SLC25A27: variants seen among roughly 807,000 people sequenced by gnomAD.
SLC25A27 encodes the protein mitochondrial uncoupling protein 4.
SLC25A27 carries 35 observed loss-of-function variants against 49.1 expected under a neutral mutation model. That is an observed-to-expected ratio of 0.71 (90% CI 0.54 to 0.95). The LOEUF is 0.95. Ranked by LOEUF, SLC25A27 falls within the 40% of genes least tolerant of loss-of-function variation. SLC25A27 has a pLI of 0.00. For missense variants in SLC25A27, 339 were observed against 397.1 expected, an observed-to-expected ratio of 0.85 and a Z score of 1.24; for synonymous variants, 144 against 136.9, an observed-to-expected ratio of 1.05 and a Z score of -0.36.
chr6:46,655,953 C>T lies in SLC25A27; in HGVS notation c.217C>T (p.Arg73Cys), dbSNP rs200548509. Reference protein sequence around the residue: ...RESAPYRGMVRTALGIIEEEG... With the variant: ...RESAPYRGMVCTALGIIEEEG... ...ATCTGCCCCCTATAGGGGAATGGTG[C>T]GCACAGCTCTAGGGATCATTGAAGA... is the stretch of plus-strand genomic sequence containing the variant. Residue 73 changes from arginine (R) to cysteine (C), a missense_variant, in exon 2 of 9, where the codon CGC becomes TGC. Transcript: ENST00000371347. 9.3e-6 allele frequency: 15 copies of T among 1,613,856 alleles called. No individual in the cohort carries two copies. In the East Asian group the frequency reaches 2.5e-4, roughly 26 times the overall value.
rs1276498560 is a variant in SLC25A27 at position 46,676,651 on chromosome 6, C to G, written c.*197C>G. The G allele has an allele frequency of 1.2e-5, 19 of 1,550,888 alleles. No individual in the cohort carries two copies. The highest frequency in any genetic ancestry group is 1.7e-5 in the Non-Finnish European group (19 of 1,147,000). ...ACTCCTCTTTTTGTCCAAAAGTGAT[C>G]TGGTCGGATCTCACAAGGCCATCCA... is the stretch of plus-strand genomic sequence containing the variant. On this transcript the variant is annotated 3_prime_UTR_variant, in exon 9 of 9. Transcript: ENST00000371347.
chr6:46,653,391 A>C, intron 1 of SLC25A27, 93 bp downstream of exon 1: 1 of 1,465,060 alleles, frequency 6.8e-7, no homozygotes, highest in Non-Finnish European at 9.0e-7. Flanking sequence ...GGCAGTGCGC[A>C]TCGGAGAGGT....
In SLC25A27 at chr6:46,676,467, GC is replaced by G; in HGVS notation, c.*14del. On this transcript the variant is annotated 3_prime_UTR_variant, in exon 9 of 9. Coordinates refer to ENST00000371347, the MANE Select transcript of SLC25A27 (RefSeq NM_004277.5). ...CAGTCCATTTTAAACCCCTAAAGAT[GC>G]AACCCTTAAAGATACAGTGTTCAGT... 2.5e-6 allele frequency: 4 copies of G among 1,613,738 alleles called. No individual in the cohort carries two copies. Among genetic ancestry groups the G allele is most frequent in the Non-Finnish European group, 3.4e-6 (4 of 1,179,758 alleles).
chr6:46,676,813 C>G lies in SLC25A27; in HGVS notation c.*359C>G, dbSNP rs1763811740. 2.6e-6 allele frequency: 2 copies of G among 775,204 alleles called. No homozygotes were observed. Among genetic ancestry groups the G allele is most frequent in the Non-Finnish European group, 4.4e-6 (2 of 456,210 alleles). 48.0% of individuals were successfully genotyped at this position (775,204 alleles called of 1,614,324 possible). On this transcript the variant is annotated 3_prime_UTR_variant, in exon 9 of 9. Coordinates refer to ENST00000371347, the MANE Select transcript of SLC25A27 (RefSeq NM_004277.5). ...AGGAGGAGTACCAGGAGGGAGCCAGCATTTCAGATCTGAAGTAGACGATAG... is the reference window on the plus strand; with the variant it reads ...AGGAGGAGTACCAGGAGGGAGCCAGGATTTCAGATCTGAAGTAGACGATAG...
intron 2 of SLC25A27, chr6:46,658,553 A>G (rs1426849169): frequency 4.6e-6 from 2 of 436,216 alleles, no homozygotes; most frequent in East Asian, 1.5e-4. Flanking sequence ...ATCTGGGGTA[A>G]GTAAAAACAA....
Position 46,655,882 on chromosome 6 carries a change from T to C in SLC25A27, c.146T>C (p.Met49Thr), listed in dbSNP as rs1762960763. 2.5e-6 allele frequency: 4 copies of C among 1,613,414 alleles called. No individual in the cohort carries two copies. Among genetic ancestry groups the C allele is most frequent in the Middle Eastern group, 1.6e-4 (1 of 6,084 alleles). The part of the protein sequence containing the change: ...PLDLTKTRLQ[M>T]QGEAALARLG... Reference sequence around the variant, plus strand: ...GATCTCACAAAAACTCGACTCCAAATGCAAGGAGAAGCAGCTCTTGCTCGG... The same window carrying C: ...GATCTCACAAAAACTCGACTCCAAACGCAAGGAGAAGCAGCTCTTGCTCGG... The change falls in exon 2 of 9, where the codon ATG becomes ACG. Residue 49 changes from methionine (M) to threonine (T), a missense_variant. Transcript: ENST00000371347.
chr6:46,664,584 T>C (rs903153342), intron 4 of SLC25A27, among the ~76,000 whole-genome samples, 190 bp from the exon 5 acceptor site: 9 of 152,226 alleles, frequency 5.9e-5, no homozygotes, highest in Non-Finnish European at 5.9e-5. Flanking sequence ...GTTGGCCTTT[T>C]TTCTAAAGGA....
chr6:46,656,692 T>A (rs1762992149), intron 2 of SLC25A27, among the ~76,000 whole-genome samples: 1 of 152,162 alleles, frequency 6.6e-6, no homozygotes, highest in Non-Finnish European at 1.5e-5. Flanking sequence ...GTGCTAGGAT[T>A]ACAGGCGTGA....
intron 5 of SLC25A27, among the ~76,000 whole-genome samples, chr6:46,667,273 T>A (rs975831044): frequency 5.9e-5 from 9 of 152,312 alleles, no homozygotes; most frequent in Admixed American, 1.3e-4. Flanking sequence ...CTTCAAAATT[T>A]ATCCAGAATC....
intron 2 of SLC25A27, among the ~76,000 whole-genome samples, chr6:46,656,962 T>C (rs974895330): frequency 2.6e-5 from 4 of 152,104 alleles, no homozygotes; most frequent in Non-Finnish European, 4.4e-5. Flanking sequence ...GCCCAGGAGT[T>C]CGAGACCAGC....
At position 46,655,291 on chromosome 6, in the gene SLC25A27, C is replaced by G. The variant is rs77948591; in HGVS notation, c.107-552C>G. On this transcript the variant is annotated intron_variant, in intron 1 of 8. Transcript: ENST00000371347. ...TTCATCTGCATGTGAACATCACCCA[C>G]GAAATTATAGAGTTCAGCTTCATCT... Among the ~76,000 whole-genome samples the G allele has an allele frequency of 3.4e-3, 520 of 152,174 alleles. 2 individuals are homozygous for G. The highest frequency in any genetic ancestry group is 0.012 in the African/African-American group (494 of 41,504).
chr6:46,657,074 G>A (rs1043355570), intron 2 of SLC25A27, among the ~76,000 whole-genome samples: 7 of 152,160 alleles, frequency 4.6e-5, no homozygotes, highest in African/African-American at 1.4e-4. Context: ...GCTGAGGTGT[G>A]AAAACAGCTT....
intron 1 of SLC25A27, among the ~76,000 whole-genome samples, chr6:46,654,361 A>G (rs928279914): frequency 4.6e-5 from 7 of 152,106 alleles, no homozygotes; most frequent in African/African-American, 7.2e-5. Context: ...TAGCCCCTCT[A>G]TTTTTTAATG....
intron 1 of SLC25A27, 61 bp from the exon 2 acceptor site, chr6:46,655,782 T>C: frequency 7.0e-7 from 1 of 1,435,774 alleles, no homozygotes; most frequent in Non-Finnish European, 9.7e-7. Context: ...CCTATGATTT[T>C]AGATTTTTGT....
intron 5 of SLC25A27, among the ~76,000 whole-genome samples, chr6:46,665,610 C>T (rs866389220): frequency 2.0e-5 from 3 of 151,970 alleles, no homozygotes; most frequent in Non-Finnish European, 2.9e-5. Context: ...GGCGTGAACC[C>T]GGGAGGCGAA....
intron 2 of SLC25A27, among the ~76,000 whole-genome samples, chr6:46,657,444 CAA>C (rs1158014592): frequency 1.3e-5 from 2 of 151,980 alleles, no homozygotes; most frequent in Admixed American, 6.6e-5. Flanking sequence ...ACCTGGGTGA[CAA>C]GAGCGAAACT....
intron 5 of SLC25A27, among the ~76,000 whole-genome samples, chr6:46,666,324 GC>G (rs1763324103): frequency 6.6e-6 from 1 of 152,104 alleles, no homozygotes; most frequent in Non-Finnish European, 1.5e-5. Context: ...CCCTTTGAAG[GC>G]AAGGACTGTG....
chr6:46,676,531 AT>A lies in SLC25A27; in HGVS notation c.*79del. 2 of 1,610,438 alleles carry A rather than the reference AT, an allele frequency of 1.2e-6. No individual in the cohort carries two copies. The highest frequency in any genetic ancestry group is 1.7e-6 in the Non-Finnish European group (2 of 1,177,828). On this transcript the variant is annotated 3_prime_UTR_variant, in exon 9 of 9. Transcript: ENST00000371347. Reference sequence around the variant, plus strand: ...TGGGCATCTGCAACACATACCCCCTATTATTTCTACCTCTTTAGGAAGACAC... The same window carrying A: ...TGGGCATCTGCAACACATACCCCCTATATTTCTACCTCTTTAGGAAGACAC...
chr6:46,671,072 C>A, intron 7 of SLC25A27, 54 bp from the exon 8 acceptor site: 1 of 1,185,260 alleles, frequency 8.4e-7, no homozygotes, highest in Non-Finnish European at 1.2e-6. Context: ...TTTTTATGTA[C>A]ATATATATTT....
Sources: allele counts gnomAD v4.1 joint callset (sites outside exome capture counted in the v4.1 genomes callset), GRCh38; gene constraint gnomAD v4.1.1; transcripts MANE v1.5; gene names NCBI Gene and HGNC (gene_info 2026-07-23, HGNC 2026-07-21).